The following PHLDB2 variants were observed in gnomAD, a reference collection of about 807,000 sequenced individuals.
PHLDB2 encodes pleckstrin homology-like domain family B member 2.
Under a neutral mutation model 123.6 loss-of-function variants are expected in PHLDB2, and 71 were observed. The ratio of observed to expected loss-of-function variants is 0.57; its 90% CI spans 0.47 to 0.70. The LOEUF is 0.70. Among genes scored for constraint, PHLDB2 ranks in the 30% least tolerant of loss-of-function variants. PHLDB2 has a pLI of 0.00. For missense variants in PHLDB2, 1,446 were observed against 1,519.5 expected (o/e 0.95, Z 0.80); for synonymous variants, 547 against 541.6 (o/e 1.01, Z -0.14).
intron 1 of PHLDB2, among the ~76,000 whole-genome samples, chr3:111,810,312 C>T (rs757856359): frequency 2.0e-5 from 3 of 152,198 alleles, no homozygotes; most frequent in African/African-American, 7.2e-5. Flanking sequence ...CTCTGCATGA[C>T]TATCTTAATC....
chr3:111,766,896 T>C (rs2060091691), intron 1 of PHLDB2, among the ~76,000 whole-genome samples: 1 of 151,948 alleles, frequency 6.6e-6, no homozygotes, highest in South Asian at 2.1e-4. Flanking sequence ...CCAGGTGTGG[T>C]GGCACGTGCC....
chr3:111,758,372 A>G (rs867714888), intron 1 of PHLDB2, among the ~76,000 whole-genome samples: 5 of 152,184 alleles, frequency 3.3e-5, no homozygotes, highest in Admixed American at 6.5e-5. Context: ...TGTGCTAGCA[A>G]TCAGCAAGAC....
chr3:111,822,317 G>GTGTGTGTGTGTGTGTGTATA lies in PHLDB2; in HGVS notation c.-48-23503_-48-23502insGTGTGTGTGTGTGTGTATAT, dbSNP rs1553734228. 2.5e-3 allele frequency among the ~76,000 whole-genome samples: 363 copies of GTGTGTGTGTGTGTGTGTATA among 147,876 alleles called. 1 individual carries two copies. The highest frequency in any genetic ancestry group is 8.7e-3 in the African/African-American group (343 of 39,396). ...TGTATGTGTGTGTGTGTGTGTGTGT[G>GTGTGTGTGTGTGTGTGTATA]TATATATATATATATAATGGTACAC... On this transcript the variant is annotated intron_variant, in intron 1 of 17. Coordinates refer to the PHLDB2 transcript ENST00000393923.
chr3:111,900,729 A>C (rs1359359892), intron 2 of PHLDB2, among the ~76,000 whole-genome samples: 1 of 152,220 alleles, frequency 6.6e-6, no homozygotes, highest in African/African-American at 2.4e-5. Flanking sequence ...TACTATTGGA[A>C]AAATGTGCTA....
Position 111,782,376 on chromosome 3 carries a change from C to T in PHLDB2, c.-49+49673C>T, listed in dbSNP as rs575677031. 5.8e-4 allele frequency among the ~76,000 whole-genome samples: 88 copies of T among 152,106 alleles called. 3 individuals carry two copies. The highest frequency in any genetic ancestry group is 2.7e-3 in the South Asian group (13 of 4,812). On this transcript the variant is annotated intron_variant, in intron 1 of 17. Transcript: ENST00000393923. ...GTGCTCTCAGTTCCAAAATATAAAG[C>T]GAGGATAGTAAAAAAGGAGAGATGC... is the stretch of plus-strand genomic sequence containing the variant.
chr3:111,752,238 G>A (rs2059790932), intron 1 of PHLDB2, among the ~76,000 whole-genome samples: 1 of 143,388 alleles, frequency 7.0e-6, no homozygotes, highest in South Asian at 2.2e-4. Flanking sequence ...GTGTGTGTGT[G>A]TGTCTGTGTC....
intron 1 of PHLDB2, among the ~76,000 whole-genome samples, chr3:111,861,827 C>G (rs1255887459): frequency 6.6e-6 from 1 of 152,162 alleles, no homozygotes; most frequent in Non-Finnish European, 1.5e-5. Flanking sequence ...TAACCAATCT[C>G]TGGTTTTCCC....
intron 2 of PHLDB2, among the ~76,000 whole-genome samples, chr3:111,849,537 G>T (rs2064159510): frequency 6.6e-6 from 1 of 152,136 alleles, no homozygotes; most frequent in Non-Finnish European, 1.5e-5. Flanking sequence ...TCAAGCTCTG[G>T]AAATTACCAT....
chr3:111,733,612 C>G (rs930182068), intron 1 of PHLDB2, among the ~76,000 whole-genome samples: 3 of 152,078 alleles, frequency 2.0e-5, no homozygotes, highest in Admixed American at 1.3e-4. Context: ...CACTGGAGGT[C>G]TATGGGGAAG....
chr3:111,767,474 A>C (rs1450096309), intron 1 of PHLDB2, among the ~76,000 whole-genome samples: 2 of 152,250 alleles, frequency 1.3e-5, no homozygotes. Flanking sequence ...AGGCATTTTC[A>C]CTATAAGCAG....
At chr3:111,845,391 G>A (rs1161333434) in intron 1 of PHLDB2, among the ~76,000 whole-genome samples, 2 of 134,226 alleles carry the variant, frequency 1.5e-5, no homozygotes, top group East Asian at 4.3e-4. Flanking sequence ...AAAAACTATG[G>A]GATTTGTAAA....
intron 1 of PHLDB2, among the ~76,000 whole-genome samples, chr3:111,752,881 G>C (rs1321024625): frequency 6.6e-6 from 1 of 150,576 alleles, no homozygotes; most frequent in Non-Finnish European, 1.5e-5. Context: ...TCCCACCTAT[G>C]AGTGAGAATA....
At chr3:111,956,237 A>G (rs1408378104) in intron 12 of PHLDB2, among the ~76,000 whole-genome samples, 1 of 152,216 alleles carries the variant, frequency 6.6e-6, no homozygotes, top group Non-Finnish European at 1.5e-5. Context: ...AAAGAGTAAG[A>G]AAAACTAGAA....
chr3:111,913,972 G>A (rs1428653868), intron 3 of PHLDB2: 2 of 420,088 alleles, frequency 4.8e-6, no homozygotes, highest in Non-Finnish European at 8.5e-6. Context: ...GTACACCTGA[G>A]TGATAAGCAG....
At chr3:111,942,633 A>T (rs1324792342) in intron 8 of PHLDB2, among the ~76,000 whole-genome samples, 1 of 152,078 alleles carries the variant, frequency 6.6e-6, no homozygotes, top group Non-Finnish European at 1.5e-5. Context: ...TTTGCTGCAT[A>T]AAATGCCTCC....
At position 111,949,055 on chromosome 3, in the gene PHLDB2, AGC is replaced by A; in HGVS notation, c.2612_2613del (p.Ser871ThrfsTer5). The A allele has an allele frequency of 6.2e-7, 1 of 1,613,726 alleles. No individual in the cohort carries two copies. The highest frequency in any genetic ancestry group is 1.1e-5 in the South Asian group (1 of 91,080). ...TGAGCCTGCCACAGCTGTGCTGGCG[AGC>A]CAGCCACAGAGTAAAGAGGTGTGTA... ...ATEPATAVLA[S>X]QPQSKEHFRS... On this transcript the variant is annotated frameshift_variant, in exon 10 of 18. Coordinates refer to ENST00000431670, the MANE Select transcript of PHLDB2 (RefSeq NM_001134438.2). LOFTEE classifies it high-confidence loss of function.
At chr3:111,739,440 A>G (rs561928757) in intron 1 of PHLDB2, among the ~76,000 whole-genome samples, 1 of 152,242 alleles carries the variant, frequency 6.6e-6, no homozygotes, top group East Asian at 1.9e-4. Context: ...CTTAAAGGTG[A>G]CGTGACTTGC....
chr3:111,955,062 A>T (rs12152240), intron 12 of PHLDB2, among the ~76,000 whole-genome samples: 33,503 of 151,436 alleles, frequency 0.22, 4,089 homozygotes, highest in Middle Eastern at 0.34. Context: ...ACACACGCAC[A>T]TATATGTAAT....
At chr3:111,830,296 A>G (rs72936497) in intron 1 of PHLDB2, among the ~76,000 whole-genome samples, 25,031 of 152,010 alleles carry the variant, frequency 0.16, 4,319 homozygotes, top group African/African-American at 0.42. Flanking sequence ...CTTAATAAGC[A>G]GGGAAACTGA....
Sources: gnomAD v4.1 joint callset for allele counts (sites outside exome capture counted in the v4.1 genomes callset) on GRCh38, gnomAD v4.1.1 for gene constraint, MANE v1.5 for transcripts, NCBI Gene and HGNC (gene_info 2026-07-23, HGNC 2026-07-21) for gene names.